Variants in LHFPL2 observed in about 807,000 individuals in gnomAD.
LHFPL2 encodes the protein LHFPL tetraspan subfamily member 2 protein.
A neutral mutation model predicts 17.5 loss-of-function variants in LHFPL2; 7 were observed. The ratio of observed to expected loss-of-function variants is 0.40; its 90% confidence interval spans 0.23 to 0.75. LHFPL2 has a LOEUF of 0.75. Among genes scored for constraint, LHFPL2 ranks in the 30% least tolerant of loss-of-function variants. LHFPL2 has a pLI of 0.37. For missense variants in LHFPL2, 241 were observed against 294.8 expected, an observed-to-expected ratio of 0.82 and a Z score of 1.34; for synonymous variants, 134 against 116.2, an observed-to-expected ratio of 1.15 and a Z score of -0.99.
At chr5:78,549,332 C>T (rs1756374720) in intron 3 of LHFPL2, among the ~76,000 whole-genome samples, 1 of 152,200 alleles carries the variant, frequency 6.6e-6, no homozygotes, top group South Asian at 2.1e-4. Context: ...AATACTTCTG[C>T]CACATTTCAG....
chr5:78,490,796 AAAC>A (rs1469319613), intron 4 of LHFPL2, among the ~76,000 whole-genome samples: 1 of 150,842 alleles, frequency 6.6e-6, no homozygotes, highest in Non-Finnish European at 1.5e-5. Context: ...AGGAGGGCAA[AAAC>A]ATTTTCTCTG....
chr5:78,593,088 C>G (rs1021313466), intron 2 of LHFPL2, among the ~76,000 whole-genome samples: 1 of 152,252 alleles, frequency 6.6e-6, no homozygotes, highest in African/African-American at 2.4e-5. Context: ...TCTCTGTCCC[C>G]GGTGTCTGGT....
intron 2 of LHFPL2, among the ~76,000 whole-genome samples, chr5:78,614,031 G>C (rs1004786823): frequency 1.2e-4 from 18 of 152,148 alleles, no homozygotes; most frequent in Non-Finnish European, 2.9e-5. Flanking sequence ...GGTCACCAGA[G>C]TACCCTACGG....
intron 3 of LHFPL2, among the ~76,000 whole-genome samples, chr5:78,530,742 C>CAGAG (rs542719944): frequency 1.3e-5 from 2 of 152,202 alleles, no homozygotes; most frequent in Non-Finnish European, 2.9e-5. Context: ...CTGTACCTGC[C>CAGAG]AGAGAATTCC....
intron 2 of LHFPL2, among the ~76,000 whole-genome samples, chr5:78,605,743 AT>A (rs1233233002): frequency 6.6e-6 from 1 of 152,192 alleles, no homozygotes; most frequent in Non-Finnish European, 1.5e-5. Flanking sequence ...CCTGCAGATT[AT>A]TTTTGGATTA....
At chr5:78,635,676 G>C (rs113736664) in intron 1 of LHFPL2, among the ~76,000 whole-genome samples, 3,837 of 152,250 alleles carry the variant, frequency 0.025, 149 homozygotes, top group African/African-American at 0.087. Flanking sequence ...GGTGGTGGGC[G>C]CCTGTAGTCC....
In LHFPL2 at chr5:78,617,929, G is replaced by A. The variant is rs189324928; in HGVS notation, c.-245+14335C>T. 7.1e-4 allele frequency among the ~76,000 whole-genome samples: 108 copies of A among 152,112 alleles called. No individual in the cohort carries two copies. The East Asian group carries it at 0.013, about 18-fold the overall frequency. On this transcript the variant is annotated intron_variant, in intron 2 of 4. Transcript: ENST00000380345. ...CCTTAAAAAAATTCAGGGGCTGGGC[G>A]CGGTGGCTCACACCTGTAATCCCAG...
intron 2 of LHFPL2, among the ~76,000 whole-genome samples, chr5:78,597,313 T>A (rs892114018): frequency 3.3e-5 from 5 of 152,132 alleles, no homozygotes; most frequent in African/African-American, 1.2e-4. Flanking sequence ...ATAATCTAAG[T>A]CTCTTCCAGT....
intron 3 of LHFPL2, among the ~76,000 whole-genome samples, chr5:78,557,001 C>T (rs1300097790): frequency 6.6e-6 from 1 of 151,506 alleles, no homozygotes; most frequent in African/African-American, 2.4e-5. Flanking sequence ...GGTACATGTG[C>T]ACAACATGCA....
chr5:78,606,141 A>T (rs1156735860), intron 2 of LHFPL2, among the ~76,000 whole-genome samples: 1 of 152,228 alleles, frequency 6.6e-6, no homozygotes, highest in Admixed American at 6.5e-5. Context: ...GAGGGGAACA[A>T]AACTTAACAA....
At chr5:78,516,138 T>G (rs1288045408) in intron 3 of LHFPL2, among the ~76,000 whole-genome samples, 1 of 152,220 alleles carries the variant, frequency 6.6e-6, no homozygotes, top group Non-Finnish European at 1.5e-5. Flanking sequence ...AAAGGAGGTT[T>G]TGAAACTCTC....
intron 2 of LHFPL2, among the ~76,000 whole-genome samples, chr5:78,581,102 T>C (rs1743115653): frequency 6.6e-6 from 1 of 152,194 alleles, no homozygotes; most frequent in African/African-American, 2.4e-5. Context: ...TTATTCTCTT[T>C]GAAGCAATTG....
At chr5:78,583,293 A>G (rs1743221471) in intron 2 of LHFPL2, among the ~76,000 whole-genome samples, 1 of 151,342 alleles carries the variant, frequency 6.6e-6, no homozygotes, top group Non-Finnish European at 1.5e-5. Context: ...TTTAAAGTTA[A>G]TATTGTTATG....
In LHFPL2 at chr5:78,487,248, TTG is replaced by T; in HGVS notation, c.*1647_*1648del. 6.6e-6 allele frequency: 1 copy of T among 152,362 alleles called. No individual in the cohort carries two copies. Among genetic ancestry groups the T allele is most frequent in the East Asian group, 1.9e-4 (1 of 5,186 alleles). 9.4% of individuals were successfully genotyped at this position (152,362 alleles called of 1,614,324 possible). On this transcript the variant is annotated 3_prime_UTR_variant, in exon 5 of 5. Coordinates refer to ENST00000380345, the MANE Select transcript of LHFPL2 (RefSeq NM_005779.3). ...ACACCAGAATGTAGTAAAACTGCGG[TTG>T]TCCCATTCCATCTCTGTATAATTAT...
intron 3 of LHFPL2, among the ~76,000 whole-genome samples, chr5:78,557,314 A>G (rs1756597845): frequency 6.6e-6 from 1 of 152,222 alleles, no homozygotes; most frequent in African/African-American, 2.4e-5. Context: ...TTCCAGATGA[A>G]TAGACTTAAT....
At chr5:78,497,004 C>T (rs187226182) in intron 4 of LHFPL2, among the ~76,000 whole-genome samples, 1 of 152,332 alleles carries the variant, frequency 6.6e-6, no homozygotes, top group African/African-American at 2.4e-5. Context: ...TCTACTTGGC[C>T]TCTAGCAAGG....
Position 78,572,735 on chromosome 5 carries a change from C to T in LHFPL2, c.-244-7864G>A, listed in dbSNP as rs559333696. On this transcript the variant is annotated intron_variant, in intron 2 of 4. Coordinates refer to ENST00000380345, the MANE Select transcript of LHFPL2 (RefSeq NM_005779.3). ...TAACAGATATACTATTTAACAGATACGGAGTTTAATAGATAATCCTGCATT... is the reference window on the plus strand; with the variant it reads ...TAACAGATATACTATTTAACAGATATGGAGTTTAATAGATAATCCTGCATT... Among the ~76,000 whole-genome samples, 11 of 152,080 alleles carry T rather than the reference C, an allele frequency of 7.2e-5. No homozygotes were observed. In the South Asian group the frequency reaches 1.0e-3, roughly 14 times the overall value.
chr5:78,635,910 C>CTT (rs887850419), intron 1 of LHFPL2, among the ~76,000 whole-genome samples: 16 of 152,190 alleles, frequency 1.1e-4, no homozygotes, highest in African/African-American at 3.9e-4. Flanking sequence ...GATCACCTGG[C>CTT]TTTTCATTAC....
chr5:78,524,677 G>C (rs1755562354), intron 3 of LHFPL2, among the ~76,000 whole-genome samples: 1 of 147,704 alleles, frequency 6.8e-6, no homozygotes, highest in Non-Finnish European at 1.5e-5. Flanking sequence ...AGAAGGCAGA[G>C]TTTGCAGTGA....
Sources: gnomAD v4.1 joint callset for allele counts (sites outside exome capture counted in the v4.1 genomes callset) on GRCh38, gnomAD v4.1.1 for gene constraint, MANE v1.5 for transcripts, NCBI Gene and HGNC (gene_info 2026-07-23, HGNC 2026-07-21) for gene names.